MED13L: variants seen among roughly 807,000 people sequenced by gnomAD.
MED13L encodes mediator of RNA polymerase II transcription subunit 13-like.
A neutral mutation model predicts 220.9 loss-of-function variants in MED13L; 7 were observed. The observed-to-expected ratio is 0.03, with a 90% CI of 0.02 to 0.06. The LOEUF (loss-of-function observed/expected upper bound fraction) is 0.06, where lower values mean the gene tolerates loss of function less well. Among genes scored for constraint, MED13L ranks in the 10% least tolerant of loss-of-function variants. The pLI, the probability that MED13L is intolerant of heterozygous loss-of-function variation, is 1.00. For synonymous variants in MED13L, 1,011 were observed against 1,015.2 expected (o/e 1.00, Z 0.08); for missense variants, 1,965 against 2,760.5 (o/e 0.71, Z 6.46).
At chr12:116,011,577 G>A (rs1302976019) in intron 9 of MED13L, among the ~76,000 whole-genome samples, 3 of 152,186 alleles carry the variant, frequency 2.0e-5, no homozygotes, top group African/African-American at 7.2e-5. Flanking sequence ...GCTGTGAGCT[G>A]TCCATAAGTC....
chr12:116,122,001 C>A (rs779190588), intron 2 of MED13L, among the ~76,000 whole-genome samples: 1 of 152,100 alleles, frequency 6.6e-6, no homozygotes, highest in Non-Finnish European at 1.5e-5. Context: ...CAGTAACTAA[C>A]GGCTAAAGAT....
At chr12:115,966,039 A>C in intron 29 of MED13L, 43 bp downstream of exon 29, 1 of 1,603,522 alleles carries the variant, frequency 6.2e-7, no homozygotes. Context: ...TTAAGCGTAA[A>C]TCACTCATTC....
chr12:116,084,774 CAAA>C (rs569655073), intron 4 of MED13L, among the ~76,000 whole-genome samples: 10 of 88,930 alleles, frequency 1.1e-4, no homozygotes, highest in Non-Finnish European at 1.6e-4. Context: ...ACCCTGTCGC[CAAA>C]AAAAAAAAAA....
chr12:116,176,962 C>A (rs1880118244), intron 2 of MED13L, among the ~76,000 whole-genome samples: 1 of 151,456 alleles, frequency 6.6e-6, no homozygotes, highest in Non-Finnish European at 1.5e-5. Context: ...TACACTCCCT[C>A]ATCCTCAAAT....
chr12:116,183,841 T>TGTGTGC (rs1167751254), intron 2 of MED13L, among the ~76,000 whole-genome samples: 6 of 151,632 alleles, frequency 4.0e-5, no homozygotes, highest in Non-Finnish European at 8.8e-5. Flanking sequence ...TGTGTGTGTG[T>TGTGTGC]GTAAAATGAG....
intron 2 of MED13L, among the ~76,000 whole-genome samples, chr12:116,156,402 T>TA (rs11366103): frequency 0.26 from 31,212 of 119,258 alleles, 4,022 homozygotes; most frequent in Middle Eastern, 0.34. Flanking sequence ...TCCAATTACT[T>TA]AAAAAAAAAA....
intron 2 of MED13L, among the ~76,000 whole-genome samples, chr12:116,199,901 A>C (rs1044510763): frequency 1.3e-5 from 2 of 152,168 alleles, no homozygotes; most frequent in Admixed American, 6.5e-5. Flanking sequence ...AAATAATTTC[A>C]AGTTCAAGGT....
intron 4 of MED13L, among the ~76,000 whole-genome samples, chr12:116,056,509 G>A (rs146962190): frequency 8.9e-4 from 136 of 152,162 alleles, no homozygotes; most frequent in African/African-American, 3.1e-3. Flanking sequence ...GGGATTACAG[G>A]CATGAGCCAC....
Position 116,119,822 on chromosome 12 carries a change from A to T in MED13L, c.311-8310T>A, listed in dbSNP as rs1172007117. On this transcript the variant is annotated intron_variant, in intron 2 of 30. Coordinates refer to ENST00000281928, the MANE Select transcript of MED13L (RefSeq NM_015335.5). ...ACCCCATATCTTTAAAAAAAAAAAA[A>T]AAAAAAAAAAAAAAAAATATATATA... Among the ~76,000 whole-genome samples the T allele has an allele frequency of 9.8e-3, 1,021 of 104,046 alleles. 6 individuals are homozygous for T. Among genetic ancestry groups the T allele is most frequent in the Non-Finnish European group, 0.016 (811 of 50,818 alleles). 68.3% of individuals were successfully genotyped at this position (104,046 alleles called of 152,430 possible). A position where few individuals can be genotyped will look rare whatever the true frequency, so the allele number is the denominator to read the frequency against.
chr12:116,062,482 CTCTG>C (rs1289798729), intron 4 of MED13L, among the ~76,000 whole-genome samples: 1 of 131,652 alleles, frequency 7.6e-6, no homozygotes, highest in Non-Finnish European at 1.5e-5. Context: ...CTCTCTCTCT[CTCTG>C]TGTTTTTTTT....
intron 3 of MED13L, among the ~76,000 whole-genome samples, chr12:116,104,073 C>T (rs774547042): frequency 5.3e-5 from 7 of 132,706 alleles, no homozygotes; most frequent in Non-Finnish European, 7.7e-5. Context: ...TGCAATGGCA[C>T]GGTCTTGGCT....
chr12:116,174,131 C>A (rs532893237), intron 2 of MED13L, among the ~76,000 whole-genome samples: 1 of 152,116 alleles, frequency 6.6e-6, no homozygotes, highest in Admixed American at 6.6e-5. Context: ...AAACTTAACC[C>A]CAAATTTTCA....
At chr12:116,138,526 G>C (rs1876782551) in intron 2 of MED13L, among the ~76,000 whole-genome samples, 1 of 152,138 alleles carries the variant, frequency 6.6e-6, no homozygotes, top group Non-Finnish European at 1.5e-5. Context: ...TCTTTTTATG[G>C]GTTCCATCTA....
At chr12:116,194,187 CAG>C in intron 2 of MED13L, among the ~76,000 whole-genome samples, 1 of 151,834 alleles carries the variant, frequency 6.6e-6, no homozygotes, top group South Asian at 2.1e-4. Context: ...TCTTTTGAGA[CAG>C]AGTTTCGCTC....
At chr12:116,006,976 A>T (rs997330754) in intron 11 of MED13L, 2 of 219,760 alleles carry the variant, frequency 9.1e-6, no homozygotes, top group African/African-American at 4.6e-5. Flanking sequence ...GGTAGAGTTG[A>T]TATTAACCCA....
chr12:116,259,233 T>C (rs1399250944), intron 1 of MED13L, among the ~76,000 whole-genome samples: 3 of 152,132 alleles, frequency 2.0e-5, no homozygotes, highest in South Asian at 4.1e-4. Context: ...ATAAAAATAC[T>C]TGAAGACAAT....
At chr12:116,137,474 T>C (rs757026248) in intron 2 of MED13L, among the ~76,000 whole-genome samples, 6 of 152,158 alleles carry the variant, frequency 3.9e-5, no homozygotes, top group Non-Finnish European at 7.3e-5. Flanking sequence ...CTGGTCTGCT[T>C]TGTAACACCA....
At chr12:116,206,139 G>A (rs568782152) in intron 2 of MED13L, among the ~76,000 whole-genome samples, 1 of 134,142 alleles carries the variant, frequency 7.5e-6, no homozygotes, top group East Asian at 2.2e-4. Flanking sequence ...GGAGTACAGT[G>A]GCGTGATCTT....
intron 14 of MED13L, among the ~76,000 whole-genome samples, chr12:116,002,083 C>G (rs1878780193): frequency 6.6e-6 from 1 of 152,198 alleles, no homozygotes; most frequent in South Asian, 2.1e-4. Flanking sequence ...TTGTGAAATT[C>G]TGCAGTGCAG....
Sources: allele counts gnomAD v4.1 joint callset (sites outside exome capture counted in the v4.1 genomes callset), GRCh38; gene constraint gnomAD v4.1.1; transcripts MANE v1.5; gene names NCBI Gene and HGNC (gene_info 2026-07-23, HGNC 2026-07-21).